The following RGS8 variants were observed in gnomAD, a reference collection of about 807,000 sequenced individuals.
RGS8 encodes regulator of G-protein signaling 8.
RGS8 carries 8 observed loss-of-function variants against 21.7 expected under a neutral mutation model. The ratio of observed to expected loss-of-function variants is 0.37; its 90% confidence interval spans 0.22 to 0.66. RGS8 has a LOEUF of 0.66. Ranked by LOEUF, RGS8 falls within the 30% of genes least tolerant of loss-of-function variation. The probability of loss-of-function intolerance (pLI) is 0.59; values close to 1 mark genes in which losing one functional copy is unlikely to be tolerated. For missense variants in RGS8, 157 were observed against 217.9 expected (o/e 0.72, Z 1.76); for synonymous variants, 80 against 83.6 (o/e 0.96, Z 0.24).
chr1:182,648,144 G>A (rs1662793561), exon 6 of RGS8: 1 of 1,607,122 alleles, frequency 6.2e-7, no homozygotes, highest in South Asian at 1.1e-5. Flanking sequence ...CACCTCCCGT[G>A]GAGCCTGCAC....
At chr1:182,683,024 C>T (rs1157767057) in intron 1 of RGS8, among the ~76,000 whole-genome samples, 1 of 152,128 alleles carries the variant, frequency 6.6e-6, no homozygotes, top group African/African-American at 2.4e-5. Context: ...TTGTGTTAGA[C>T]ACTATGTGGA....
chr1:182,703,162 CAA>C, the RGS8 span, among the ~76,000 whole-genome samples: 6 of 152,304 alleles, frequency 3.9e-5, no homozygotes, highest in East Asian at 1.2e-3. Context: ...CTAAATTTTG[CAA>C]AGATTCCTTA....
At chr1:182,746,509 A>G in the RGS8 span, among the ~76,000 whole-genome samples, 2 of 152,158 alleles carry the variant, frequency 1.3e-5, no homozygotes, top group Admixed American at 6.5e-5. Flanking sequence ...TCTACTAAAA[A>G]TACAAAAATT....
chr1:182,705,043 TA>T, the RGS8 span, among the ~76,000 whole-genome samples: 2 of 152,220 alleles, frequency 1.3e-5, no homozygotes, highest in Non-Finnish European at 2.9e-5. Flanking sequence ...TATCATTATG[TA>T]TATTCTTACT....
intron 5 of RGS8, among the ~76,000 whole-genome samples, chr1:182,649,627 G>A (rs912102255): frequency 6.6e-6 from 1 of 152,148 alleles, no homozygotes; most frequent in African/African-American, 2.4e-5. Context: ...AACACAAGAT[G>A]AGCAGGGTTA....
At chr1:182,687,062 G>T (rs977161659), upstream of RGS8, among the ~76,000 whole-genome samples, 1 of 152,138 alleles carries the variant, frequency 6.6e-6, no homozygotes, top group South Asian at 2.1e-4. Flanking sequence ...CACCGGGAAC[G>T]TGGCTTAGTG....
At chr1:182,705,752 T>C in the RGS8 span, among the ~76,000 whole-genome samples, 1 of 152,176 alleles carries the variant, frequency 6.6e-6, no homozygotes, top group Non-Finnish European at 1.5e-5. Flanking sequence ...GAGTTGCCAG[T>C]TCCTTCCAAT....
intron 3 of RGS8, among the ~76,000 whole-genome samples, chr1:182,668,049 T>C (rs1297477960): frequency 6.6e-6 from 1 of 152,176 alleles, no homozygotes; most frequent in Admixed American, 6.5e-5. Context: ...TCTGTGTAAA[T>C]AAAACTTTAT....
chr1:182,718,491 C>A, the RGS8 span, among the ~76,000 whole-genome samples: 1 of 152,216 alleles, frequency 6.6e-6, no homozygotes, highest in Non-Finnish European at 1.5e-5. Flanking sequence ...CCTGAAGCAG[C>A]CAGGCAGATG....
At chr1:182,676,378 G>A (rs970176313), upstream of RGS8, among the ~76,000 whole-genome samples, 14 of 152,078 alleles carry the variant, frequency 9.2e-5, no homozygotes, top group Non-Finnish European at 1.5e-4. Context: ...TTTGAATTCT[G>A]GTCAGCATGC....
chr1:182,677,943 T>C (rs1664421303), intron 1 of RGS8, among the ~76,000 whole-genome samples: 1 of 152,198 alleles, frequency 6.6e-6, no homozygotes, highest in Non-Finnish European at 1.5e-5. Context: ...GGGTTAAAAA[T>C]AAAGCTGAAG....
At chr1:182,752,271 A>G in the RGS8 span, among the ~76,000 whole-genome samples, 6 of 152,220 alleles carry the variant, frequency 3.9e-5, no homozygotes, top group Non-Finnish European at 8.8e-5. Flanking sequence ...TAGCAGCCAC[A>G]GGAGTCGGCA....
chr1:182,752,325 G>A, the RGS8 span, among the ~76,000 whole-genome samples: 10 of 152,146 alleles, frequency 6.6e-5, no homozygotes, highest in South Asian at 2.1e-4. Flanking sequence ...TTCAAGACCC[G>A]GCCACAGACG....
chr1:182,669,616 T>C lies in RGS8; in HGVS notation c.26+8A>G, dbSNP rs1571342920. 1.2e-6 allele frequency: 2 copies of C among 1,614,182 alleles called. No individual in the cohort carries two copies. The highest frequency in any genetic ancestry group is 4.5e-5 in the East Asian group (2 of 44,892). On this transcript the variant is annotated splice_region_variant and intron_variant, in intron 3 of 6. Transcript: ENST00000483095. ...CAGGGGCAAGAAAACAGGCCATTGA[T>C]TCATTACCTGCGTGGCATCAGTAAG...
At chr1:182,665,845 G>A (rs931550366) in intron 5 of RGS8, 124 bp downstream of exon 6, 19 of 698,188 alleles carry the variant, frequency 2.7e-5, no homozygotes, top group Admixed American at 1.1e-4. Context: ...GGCTCTGTGA[G>A]AGCGGGGCCC....
At chr1:182,683,855 G>A (rs1211476476) in intron 1 of RGS8, among the ~76,000 whole-genome samples, 2 of 152,144 alleles carry the variant, frequency 1.3e-5, no homozygotes, top group African/African-American at 4.8e-5. Flanking sequence ...CCAAAGACCT[G>A]CACATGTACT....
At chr1:182,746,048 CTA>C in the RGS8 span, among the ~76,000 whole-genome samples, 1 of 152,150 alleles carries the variant, frequency 6.6e-6, no homozygotes, top group Non-Finnish European at 1.5e-5. Context: ...CTGTTTATTC[CTA>C]TTTGGGGCAA....
chr1:182,721,415 A>G, the RGS8 span, among the ~76,000 whole-genome samples: 63 of 152,078 alleles, frequency 4.1e-4, no homozygotes, highest in African/African-American at 1.5e-3. Flanking sequence ...CTCTCAAAAT[A>G]TTTATCTTAA....
intron 1 of RGS8, among the ~76,000 whole-genome samples, chr1:182,683,742 T>C (rs1052520354): frequency 2.0e-5 from 3 of 152,008 alleles, no homozygotes; most frequent in African/African-American, 4.8e-5. Context: ...CTCAACTCAC[T>C]GCTTAGAAAT....
Sources: allele counts gnomAD v4.1 joint callset (sites outside exome capture counted in the v4.1 genomes callset), GRCh38; gene constraint gnomAD v4.1.1; transcripts MANE v1.5; gene names NCBI Gene and HGNC (gene_info 2026-07-23, HGNC 2026-07-21).